Variants in GRK3 observed in about 807,000 individuals in gnomAD.
GRK3 encodes the protein G protein-coupled receptor kinase 3.
Under a neutral mutation model 95.7 loss-of-function variants are expected in GRK3, and 54 were observed. The observed-to-expected ratio is 0.56, with a 90% confidence interval of 0.45 to 0.71. The LOEUF is 0.71. GRK3 is among the 30% of genes least tolerant of loss of function. The probability of loss-of-function intolerance (pLI) is 0.00; values close to 1 mark genes in which losing one functional copy is unlikely to be tolerated. For synonymous variants in GRK3, 281 were observed against 290.8 expected (o/e 0.97, Z 0.34); for missense variants, 649 against 851.2 (o/e 0.76, Z 2.96).
intron 2 of GRK3, among the ~76,000 whole-genome samples, chr22:25,610,513 T>C (rs937845545): frequency 2.0e-5 from 3 of 152,280 alleles, no homozygotes; most frequent in Non-Finnish European, 4.4e-5. Flanking sequence ...CATTCACCCA[T>C]TGTAAATGTA....
At chr22:25,719,363 C>T (rs1001708613) in intron 19 of GRK3, among the ~76,000 whole-genome samples, 1 of 152,184 alleles carries the variant, frequency 6.6e-6, no homozygotes, top group Non-Finnish European at 1.5e-5. Context: ...CCCTCAGTCT[C>T]TCCATTGTAC....
At chr22:25,566,257 C>T (rs1306562471) in intron 1 of GRK3, among the ~76,000 whole-genome samples, 1 of 152,146 alleles carries the variant, frequency 6.6e-6, no homozygotes, top group Non-Finnish European at 1.5e-5. Flanking sequence ...AATTTGAAAC[C>T]ATGCAATTCT....
chr22:25,585,853 T>C (rs1932280995), intron 1 of GRK3, among the ~76,000 whole-genome samples: 1 of 152,270 alleles, frequency 6.6e-6, no homozygotes, highest in Admixed American at 6.5e-5. Context: ...TAAGGTTAAA[T>C]AGGAATATCA....
intron 15 of GRK3, among the ~76,000 whole-genome samples, chr22:25,708,134 G>A (rs1029839907): frequency 6.6e-6 from 1 of 152,104 alleles, no homozygotes; most frequent in Non-Finnish European, 1.5e-5. Context: ...TGTATTCCCA[G>A]CTACTCAGAG....
chr22:25,576,424 A>G (rs1931900990), intron 1 of GRK3, among the ~76,000 whole-genome samples: 1 of 152,170 alleles, frequency 6.6e-6, no homozygotes, highest in South Asian at 2.1e-4. Context: ...TGGATTTGAG[A>G]CTATAGTTCA....
chr22:25,607,084 T>TTG (rs371753826), intron 2 of GRK3, among the ~76,000 whole-genome samples: 11 of 151,540 alleles, frequency 7.3e-5, no homozygotes, highest in East Asian at 5.8e-4. Flanking sequence ...ATGTATGTGT[T>TTG]TGTGTGTGTG....
chr22:25,626,176 G>A (rs1368800863), intron 2 of GRK3, among the ~76,000 whole-genome samples: 1 of 152,108 alleles, frequency 6.6e-6, no homozygotes, highest in Non-Finnish European at 1.5e-5. Flanking sequence ...TGATCTGCCC[G>A]CCTCAGCCTC....
At chr22:25,608,810 A>G (rs578147956) in intron 2 of GRK3, among the ~76,000 whole-genome samples, 25 of 152,208 alleles carry the variant, frequency 1.6e-4, no homozygotes, top group East Asian at 5.8e-4. Flanking sequence ...ATCCAGTGGA[A>G]CCCACTCACA....
chr22:25,576,035 G>A (rs1004360869), intron 1 of GRK3, among the ~76,000 whole-genome samples: 3 of 152,188 alleles, frequency 2.0e-5, no homozygotes, highest in Admixed American at 6.5e-5. Context: ...TACTAAGTGA[G>A]AGCCTCCCCC....
intron 1 of GRK3, among the ~76,000 whole-genome samples, chr22:25,584,682 A>T (rs144808495): frequency 0.016 from 2,488 of 152,164 alleles, 2 homozygotes; most frequent in Middle Eastern, 0.038. Flanking sequence ...TGCCTAACTG[A>T]TAAATTTAAC....
At position 25,722,590 on chromosome 22, in the gene GRK3, G is replaced by A. The variant is rs927039284; in HGVS notation, c.*140G>A. 2.3e-5 allele frequency: 17 copies of A among 749,718 alleles called. No homozygotes were observed. In the Admixed American group the frequency reaches 4.4e-4, roughly 19 times the overall value. The allele number at this position is 749,718 out of a possible 1,614,324, so 46.4% of individuals were successfully genotyped here. A position where few individuals can be genotyped will look rare whatever the true frequency, so the allele number is the denominator to read the frequency against. ...GAGGAGTCGGGACCCTTCGGCTTGG[G>A]GTCAGCTCAGCTCCCTGCCTTGTCA... On this transcript the variant is annotated 3_prime_UTR_variant, in exon 21 of 21. Transcript: ENST00000324198.
chr22:25,604,862 A>G (rs547648642), intron 2 of GRK3, among the ~76,000 whole-genome samples: 8 of 151,826 alleles, frequency 5.3e-5, no homozygotes, highest in Non-Finnish European at 1.0e-4. Flanking sequence ...CTAGAACTCA[A>G]TTTGTGCTCT....
intron 1 of GRK3, among the ~76,000 whole-genome samples, chr22:25,590,607 G>A (rs1488951365): frequency 6.6e-6 from 1 of 152,090 alleles, no homozygotes; most frequent in African/African-American, 2.4e-5. Flanking sequence ...GGATCATAAG[G>A]TCAAGAGATC....
chr22:25,635,773 T>C (rs903521375), intron 2 of GRK3, among the ~76,000 whole-genome samples: 2 of 152,196 alleles, frequency 1.3e-5, no homozygotes, highest in African/African-American at 4.8e-5. Flanking sequence ...CCTTTGTAAG[T>C]AAGTAACTCG....
chr22:25,637,359 TCTTA>T (rs1173438569), intron 2 of GRK3, among the ~76,000 whole-genome samples: 4 of 152,234 alleles, frequency 2.6e-5, no homozygotes, highest in Admixed American at 2.6e-4. Context: ...GTAAGTCTCC[TCTTA>T]CTTGCTTATA....
intron 20 of GRK3, 113 bp downstream of exon 20, chr22:25,721,510 G>A: frequency 1.5e-6 from 1 of 645,294 alleles, no homozygotes; most frequent in East Asian, 3.1e-5. Flanking sequence ...TACAAACTTA[G>A]TAAGAAAGCC....
Position 25,644,611 on chromosome 22 carries a change from T to G in GRK3, c.210T>G (p.Asp70Glu). ...CTTTAGGTTTCTTGCTATTTAAAGA[T>G]TTTTGTTTGAATGAAATTAATGAAG... ...NQKIGFLLFKDFCLNEINEAV... is the reference protein window; with the variant it reads ...NQKIGFLLFKEFCLNEINEAV... Residue 70 changes from aspartate (D) to glutamate (E), a missense_variant, in exon 3 of 21, where the codon GAT (aspartate) becomes GAG (glutamate). Transcript: ENST00000324198. 1 of 1,566,938 alleles carries G rather than the reference T, an allele frequency of 6.4e-7. No individual in the cohort carries two copies. Among genetic ancestry groups the G allele is most frequent in the South Asian group, 1.2e-5 (1 of 86,708 alleles).
At chr22:25,669,432 G>A (rs1258985186) in intron 6 of GRK3, among the ~76,000 whole-genome samples, 2 of 152,166 alleles carry the variant, frequency 1.3e-5, no homozygotes, top group African/African-American at 2.4e-5. Flanking sequence ...GCAGGACAAC[G>A]ACTGAGTCAG....
At chr22:25,647,604 G>A in intron 3 of GRK3, 1 of 1,542,806 alleles carries the variant, frequency 6.5e-7, no homozygotes, top group Non-Finnish European at 9.0e-7. Context: ...CATTTAAGAA[G>A]GGTGAAAAAT....
Sources: allele counts gnomAD v4.1 joint callset (sites outside exome capture counted in the v4.1 genomes callset), GRCh38; gene constraint gnomAD v4.1.1; transcripts MANE v1.5; gene names NCBI Gene and HGNC (gene_info 2026-07-23, HGNC 2026-07-21).